The following TNC variants were observed in gnomAD, a reference collection of about 807,000 sequenced individuals.
The protein encoded by TNC is tenascin.
TNC carries 109 observed loss-of-function variants against 202.4 expected under a neutral mutation model. That is an observed-to-expected ratio of 0.54 (90% confidence interval 0.46 to 0.63). TNC has a LOEUF of 0.63. TNC is among the 30% of genes least tolerant of loss of function. The probability of loss-of-function intolerance (pLI) is 0.00; values close to 1 mark genes in which losing one functional copy is unlikely to be tolerated. For synonymous variants in TNC, 1,007 were observed against 1,089.7 expected (o/e 0.92, Z 1.50); for missense variants, 2,756 against 2,833.3 (o/e 0.97, Z 0.62).
intron 1 of TNC, among the ~76,000 whole-genome samples, chr9:115,096,568 G>T (rs1436830417): frequency 6.6e-6 from 1 of 152,208 alleles, no homozygotes; most frequent in African/African-American, 2.4e-5. Context: ...AAGTTTCAAT[G>T]TTGTTAAGTT....
chr9:115,046,761 G>A (rs1831233671), intron 16 of TNC, 79 bp from the exon 17 acceptor site: 4 of 1,532,842 alleles, frequency 2.6e-6, no homozygotes, highest in Non-Finnish European at 3.6e-6. Context: ...CTCCAGTAGG[G>A]GTATCAATAT....
intron 17 of TNC, among the ~76,000 whole-genome samples, chr9:115,044,960 A>G (rs192893436): frequency 2.0e-4 from 30 of 152,348 alleles, no homozygotes; most frequent in Admixed American, 1.1e-3. Flanking sequence ...TGTCATGCCT[A>G]TGCCTGTCAG....
At chr9:115,048,123 A>G (rs1278285480) in intron 16 of TNC, 137 bp downstream of exon 16, 3 of 1,067,600 alleles carry the variant, frequency 2.8e-6, no homozygotes, top group Admixed American at 2.3e-5. Flanking sequence ...GTGTGGGGAG[A>G]AGGTGAAACA....
At chr9:115,080,987 C>A (rs1009047334) in intron 6 of TNC, among the ~76,000 whole-genome samples, 1 of 151,946 alleles carries the variant, frequency 6.6e-6, no homozygotes, top group Non-Finnish European at 1.5e-5. Context: ...TCCTATTCTA[C>A]TCCCAAGAAC....
intron 17 of TNC, 33 bp from the exon 18 acceptor site, chr9:115,042,374 A>G (rs775097610): frequency 6.2e-7 from 1 of 1,611,816 alleles, no homozygotes; most frequent in East Asian, 2.2e-5. Context: ...GAAGCCCAGA[A>G]ACAGTTAACT....
At chr9:115,109,533 C>T (rs1339315948) in intron 1 of TNC, among the ~76,000 whole-genome samples, 1 of 152,180 alleles carries the variant, frequency 6.6e-6, no homozygotes, top group Non-Finnish European at 1.5e-5. Context: ...TCTTTGTCTC[C>T]ATCCCACCCT....
chr9:115,058,208 C>T (rs769224767), intron 14 of TNC, among the ~76,000 whole-genome samples: 31 of 152,216 alleles, frequency 2.0e-4, no homozygotes, highest in Non-Finnish European at 3.8e-4. Flanking sequence ...CAGTGCTTTC[C>T]CCAACCATAA....
Position 115,048,481 on chromosome 9 carries a change from C to A in TNC, c.4631G>T (p.Gly1544Val), listed in dbSNP as rs1831382559. 6.2e-7 allele frequency: 1 copy of A among 1,613,900 alleles called. No homozygotes were observed. Among genetic ancestry groups the A allele is most frequent in the Non-Finnish European group, 8.5e-7 (1 of 1,179,930 alleles). The change falls in exon 16 of 28, where the codon GGG (glycine) becomes GTG (valine). Residue 1544 changes from glycine (G) to valine (V), a missense_variant. Gly to Val is a moderately radical substitution (Grantham distance 109, BLOSUM62 -3). This residue lies in a region of TNC where 2,559 missense variants were observed against 2,546.0 expected (regional missense o/e 1.01). Coordinates refer to ENST00000350763, the MANE Select transcript of TNC (RefSeq NM_002160.4). ...CGATGCCATCCAGGAAACTGTGAAC[C>A]CGTAGGGATTAATGTCGGAAATGGT... The part of the protein sequence containing the change: ...NLTISDINPY[G>V]FTVSWMASEN...
chr9:115,051,423 T>C (rs1430632663), intron 15 of TNC, among the ~76,000 whole-genome samples: 1 of 152,140 alleles, frequency 6.6e-6, no homozygotes, highest in Non-Finnish European at 1.5e-5. Context: ...TTCTACGTTC[T>C]TTCCATACCC....
At chr9:115,091,958 T>C (rs1835269183) in intron 1 of TNC, among the ~76,000 whole-genome samples, 1 of 152,202 alleles carries the variant, frequency 6.6e-6, no homozygotes, top group African/African-American at 2.4e-5. Context: ...GAGCCTCTGA[T>C]GTCTTCTCCA....
At chr9:115,096,946 A>G (rs1835842434) in intron 1 of TNC, among the ~76,000 whole-genome samples, 1 of 152,168 alleles carries the variant, frequency 6.6e-6, no homozygotes, top group South Asian at 2.1e-4. Flanking sequence ...GGCCAAGTCT[A>G]ATGTCTCTTT....
chr9:115,041,184 T>G, intron 18 of TNC, 100 bp from the exon 19 acceptor site: 2 of 1,324,464 alleles, frequency 1.5e-6, no homozygotes, highest in Non-Finnish European at 2.1e-6. Context: ...AATGAAACTA[T>G]ATCTTCATCA....
chr9:115,090,311 GT>G (rs1363448206), intron 2 of TNC, among the ~76,000 whole-genome samples: 2 of 152,246 alleles, frequency 1.3e-5, no homozygotes, highest in South Asian at 2.1e-4. Context: ...GTAAAATAGG[GT>G]TTTTCAAAGC....
intron 27 of TNC, among the ~76,000 whole-genome samples, chr9:115,022,069 C>T (rs1256693287): frequency 3.3e-5 from 5 of 152,208 alleles, no homozygotes; most frequent in Admixed American, 6.5e-5. Context: ...GACTCTTCAG[C>T]GAAGTCTGCA....
At chr9:115,091,702 TTC>T (rs1397698837) in intron 1 of TNC, among the ~76,000 whole-genome samples, 1 of 152,212 alleles carries the variant, frequency 6.6e-6, no homozygotes, top group East Asian at 1.9e-4. Flanking sequence ...GCTGGTTCTC[TTC>T]TGTCATGAGA....
chr9:115,035,947 T>C (rs1830290460), intron 21 of TNC, 151 bp downstream of exon 21: 3 of 873,872 alleles, frequency 3.4e-6, no homozygotes, highest in Admixed American at 2.3e-5. Flanking sequence ...CTTGACTGAG[T>C]GGGCACTGGT....
rs1234739630 is a variant in TNC, at chr9:115,118,028, G to A, written c.-183C>T. The A allele has an allele frequency of 1.3e-5, 2 of 152,230 alleles. No individual in the cohort carries two copies. The highest frequency in any genetic ancestry group is 4.8e-5 in the African/African-American group (2 of 41,434). 9.4% of individuals were successfully genotyped at this position (152,230 alleles called of 1,614,324 possible). On this transcript the variant is annotated 5_prime_UTR_variant, in exon 1 of 28. Transcript: ENST00000350763. ...TAGGTCCTTGGAAGAAGTACCTGGAGTGTGGAGCTGCGGCGGTTCCCACGT... is the reference window on the plus strand; with the variant it reads ...TAGGTCCTTGGAAGAAGTACCTGGAATGTGGAGCTGCGGCGGTTCCCACGT...
Position 115,038,137 on chromosome 9 carries a change from T to C in TNC, c.5512+124A>G. On this transcript the variant is annotated intron_variant, in intron 20 of 27. Transcript: ENST00000350763. The stretch of plus-strand genomic sequence containing the variant: ...GGAGCCACATGAACATTACTGGCCT[T>C]TTCAACCTACCCATGCATTTTTATC... 3 of 1,360,474 alleles carry C rather than the reference T, an allele frequency of 2.2e-6. No individual in the cohort carries two copies. The South Asian group carries it at 4.6e-5, about 21-fold the overall frequency. The allele number at this position is 1,360,474 out of a possible 1,614,324, so 84.3% of individuals were successfully genotyped here.
At position 115,042,336 on chromosome 9, in the gene TNC, C is replaced by A; in HGVS notation, c.5131G>T (p.Gly1711Cys). The change falls in exon 18 of 28, where the codon GGC becomes TGC. Residue 1711 changes from glycine (G) to cysteine (C), a missense_variant. This residue lies in a region of TNC where 2,559 missense variants were observed against 2,546.0 expected (regional missense o/e 1.01). Transcript: ENST00000350763. ...GAGAAAATGACTTCCTTTGGGGAGC[C>A]CATGGCTGTCAAGAAGAAAGCACAA... is the stretch of plus-strand genomic sequence containing the variant. ...TVSAIATTAM[G>C]SPKEVIFSDI... The A allele has an allele frequency of 1.2e-6, 2 of 1,613,932 alleles. No individual in the cohort carries two copies. Among genetic ancestry groups the A allele is most frequent in the Non-Finnish European group, 8.5e-7 (1 of 1,179,908 alleles).
Sources: allele counts gnomAD v4.1 joint callset (sites outside exome capture counted in the v4.1 genomes callset), GRCh38; gene constraint gnomAD v4.1.1; regional missense constraint gnomAD v4.1.1; transcripts MANE v1.5; gene names NCBI Gene and HGNC (gene_info 2026-07-23, HGNC 2026-07-21).